Variants in BBS9 observed in about 807,000 individuals in gnomAD.
The protein encoded by BBS9 is protein PTHB1.
Under a neutral mutation model 117.7 loss-of-function variants are expected in BBS9, and 89 were observed. The observed-to-expected ratio is 0.76, with a 90% CI of 0.64 to 0.90. BBS9 has a LOEUF of 0.90. Ranked by LOEUF, BBS9 falls within the 40% of genes least tolerant of loss-of-function variation. The pLI, the probability that BBS9 is intolerant of heterozygous loss-of-function variation, is 0.00. For missense variants in BBS9, 982 were observed against 1,042.2 expected, an observed-to-expected ratio of 0.94 and a Z score of 0.80; for synonymous variants, 379 against 370.9, an observed-to-expected ratio of 1.02 and a Z score of -0.25.
intron 9 of BBS9, among the ~76,000 whole-genome samples, chr7:33,308,068 C>T (rs555881465): frequency 6.6e-6 from 1 of 152,242 alleles, no homozygotes; most frequent in South Asian, 2.1e-4. Context: ...ATTGGGATTT[C>T]ATTGTGCAAA....
At chr7:33,622,293 G>A (rs1353734555) in intron 21 of BBS9, among the ~76,000 whole-genome samples, 1 of 152,150 alleles carries the variant, frequency 6.6e-6, no homozygotes, top group African/African-American at 2.4e-5. Flanking sequence ...CAGACTCATA[G>A]AAGCAGAAAG....
At chr7:33,394,735 A>G (rs1827660407) in intron 19 of BBS9, among the ~76,000 whole-genome samples, 1 of 152,210 alleles carries the variant, frequency 6.6e-6, no homozygotes, top group South Asian at 2.1e-4. Context: ...CTTCTCAATC[A>G]ACTGAATGTA....
intron 9 of BBS9, among the ~76,000 whole-genome samples, chr7:33,304,689 GA>G (rs1807491435): frequency 6.6e-6 from 1 of 152,050 alleles, no homozygotes. Context: ...CGGTTTTGTC[GA>G]AAAGAAAAGG....
downstream of BBS9, among the ~76,000 whole-genome samples, chr7:33,608,877 C>G (rs945574102): frequency 8.0e-6 from 1 of 124,972 alleles, no homozygotes; most frequent in African/African-American, 4.5e-5. Context: ...TCCTACTTAT[C>G]AATTTTTGTT....
chr7:33,618,388 A>T (rs997013926), intron 21 of BBS9, among the ~76,000 whole-genome samples: 1 of 152,122 alleles, frequency 6.6e-6, no homozygotes, highest in Admixed American at 6.6e-5. Context: ...ATGAAAACCT[A>T]TGAAAGTATA....
chr7:33,630,877 G>C (rs2129229169), intron 21 of BBS9, among the ~76,000 whole-genome samples: 1 of 152,294 alleles, frequency 6.6e-6, no homozygotes, highest in Middle Eastern at 3.4e-3. Flanking sequence ...CTATGTGCCA[G>C]GCACTGTGCT....
chr7:33,513,193 C>T (rs1039265595), intron 20 of BBS9, among the ~76,000 whole-genome samples: 4 of 152,158 alleles, frequency 2.6e-5, no homozygotes, highest in Non-Finnish European at 4.4e-5. Flanking sequence ...CAAGCCAGAG[C>T]GAAGAAGGAT....
intron 10 of BBS9, 83 bp from the exon 11 acceptor site, chr7:33,340,813 TG>T: frequency 8.9e-7 from 1 of 1,125,364 alleles, no homozygotes; most frequent in Non-Finnish European, 1.3e-6. Context: ...TTTTTATATG[TG>T]GTATAGACAA....
intron 19 of BBS9, among the ~76,000 whole-genome samples, chr7:33,501,602 A>G (rs763255631): frequency 2.6e-5 from 4 of 152,226 alleles, no homozygotes; most frequent in Non-Finnish European, 4.4e-5. Context: ...AGCTGTGTTT[A>G]GCAAGTTGGG....
intron 5 of BBS9, among the ~76,000 whole-genome samples, chr7:33,256,165 C>CA (rs1009496576): frequency 3.4e-4 from 38 of 111,436 alleles, no homozygotes; most frequent in Admixed American, 6.7e-4. Context: ...TAAAAACAAA[C>CA]AAAAAAAACA....
chr7:33,283,483 T>C (rs761641003), intron 9 of BBS9, among the ~76,000 whole-genome samples: 3 of 152,160 alleles, frequency 2.0e-5, no homozygotes, highest in Non-Finnish European at 4.4e-5. Flanking sequence ...TGGTTTTTAG[T>C]GTATTTATTC....
intron 21 of BBS9, among the ~76,000 whole-genome samples, chr7:33,536,963 A>T: frequency 6.6e-6 from 1 of 151,884 alleles, no homozygotes; most frequent in Non-Finnish European, 1.5e-5. Context: ...CAGTAGTTGT[A>T]TCAGAATATA....
intron 5 of BBS9, among the ~76,000 whole-genome samples, chr7:33,183,869 T>C (rs538684776): frequency 2.0e-5 from 3 of 152,220 alleles, no homozygotes; most frequent in Non-Finnish European, 4.4e-5. Context: ...AGCTGACTAG[T>C]TTGCTGGGCT....
At chr7:33,618,705 A>G (rs1562536115) in intron 21 of BBS9, among the ~76,000 whole-genome samples, 1 of 152,088 alleles carries the variant, frequency 6.6e-6, no homozygotes, top group Non-Finnish European at 1.5e-5. Context: ...TTAAAATGTA[A>G]ATTATGACAT....
rs547701884 is a variant in BBS9 at position 33,633,515 on chromosome 7, T to C, written c.2522-1662T>C. Among the ~76,000 whole-genome samples the C allele has an allele frequency of 3.8e-3, 575 of 150,040 alleles. 3 individuals carry two copies. The highest frequency in any genetic ancestry group is 0.013 in the African/African-American group (527 of 41,096). On this transcript the variant is annotated intron_variant, in intron 21 of 21. Coordinates refer to the BBS9 transcript ENST00000671952. ...TTGGTAAAGTTAACTTTTTTCTTTT[T>C]TTTTTTTTTTTTTTTGAGATTTGAA...
intron 5 of BBS9, among the ~76,000 whole-genome samples, chr7:33,222,865 A>C (rs1790518319): frequency 6.6e-6 from 1 of 151,854 alleles, no homozygotes. Flanking sequence ...AGATGAAAGA[A>C]TCACTTGAGT....
intron 21 of BBS9, among the ~76,000 whole-genome samples, chr7:33,614,000 C>T (rs1865010558): frequency 6.6e-6 from 1 of 152,078 alleles, no homozygotes; most frequent in African/African-American, 2.4e-5. Context: ...GTTGACACAA[C>T]TAAATGCTGG....
intron 5 of BBS9, among the ~76,000 whole-genome samples, chr7:33,242,803 A>C (rs1455992340): frequency 6.6e-6 from 1 of 152,178 alleles, no homozygotes; most frequent in East Asian, 1.9e-4. Flanking sequence ...GTAATGATAG[A>C]CCATGTTAAA....
chr7:33,392,490 A>C (rs1827232056), intron 19 of BBS9, among the ~76,000 whole-genome samples: 1 of 152,142 alleles, frequency 6.6e-6, no homozygotes, highest in Non-Finnish European at 1.5e-5. Flanking sequence ...CCCAATGCAC[A>C]AGCACTTTTC....
Sources: gnomAD v4.1 joint callset for allele counts (sites outside exome capture counted in the v4.1 genomes callset) on GRCh38, gnomAD v4.1.1 for gene constraint, MANE v1.5 for transcripts, NCBI Gene and HGNC (gene_info 2026-07-23, HGNC 2026-07-21) for gene names.